Variants in CNTNAP5 observed in about 807,000 individuals in gnomAD.
The protein encoded by CNTNAP5 is contactin-associated protein-like 5.
CNTNAP5 carries 72 observed loss-of-function variants against 150.2 expected under a neutral mutation model. The observed-to-expected ratio is 0.48, with a 90% CI of 0.40 to 0.58. The LOEUF (loss-of-function observed/expected upper bound fraction) is 0.58, where lower values mean the gene tolerates loss of function less well. Ranked by LOEUF, CNTNAP5 falls within the 20% of genes least tolerant of loss-of-function variation. CNTNAP5 has a pLI of 0.00. For synonymous variants in CNTNAP5, 672 were observed against 619.8 expected, an observed-to-expected ratio of 1.08 and a Z score of -1.25; for missense variants, 1,636 against 1,626.2, an observed-to-expected ratio of 1.01 and a Z score of -0.10.
At chr2:124,110,728 G>A (rs1683274584) in intron 1 of CNTNAP5, among the ~76,000 whole-genome samples, 1 of 152,162 alleles carries the variant, frequency 6.6e-6, no homozygotes, top group Admixed American at 6.5e-5. Flanking sequence ...ACAACCTGTT[G>A]TCATTTAAAG....
At position 124,028,314 on chromosome 2, in the gene CNTNAP5, T is replaced by TTGTGTG. The variant is rs10678984; in HGVS notation, c.82+2591_82+2596dup. Among the ~76,000 whole-genome samples, 18 of 150,846 alleles carry TTGTGTG rather than the reference T, an allele frequency of 1.2e-4. No individual in the cohort carries two copies. The East Asian group carries it at 3.5e-3, about 29-fold the overall frequency. ...ATGGTGTGGTGTGTATGTGTGTGTT[T>TTGTGTG]TGTGTGTGTGTGTGCACATGCATTT... On this transcript the variant is annotated intron_variant, in intron 1 of 23. Coordinates refer to ENST00000682447, the MANE Select transcript of CNTNAP5 (RefSeq NM_001367498.1).
intron 8 of CNTNAP5, among the ~76,000 whole-genome samples, chr2:124,511,424 CT>C (rs1284802523): frequency 6.6e-6 from 1 of 152,118 alleles, no homozygotes; most frequent in African/African-American, 2.4e-5. Flanking sequence ...TTTTGTAGTG[CT>C]TCTCAAAATG....
At chr2:124,428,646 C>T (rs1219373894) in intron 4 of CNTNAP5, among the ~76,000 whole-genome samples, 1 of 151,542 alleles carries the variant, frequency 6.6e-6, no homozygotes, top group African/African-American at 2.4e-5. Context: ...TAACATCATC[C>T]TTCCCTTCTT....
At chr2:124,294,447 T>A (rs780022) in intron 3 of CNTNAP5, among the ~76,000 whole-genome samples, 122,509 of 152,094 alleles carry the variant, frequency 0.81, 49,456 homozygotes, top group South Asian at 0.9. Context: ...TGATATGTGG[T>A]CTATAGAGTC....
intron 7 of CNTNAP5, among the ~76,000 whole-genome samples, chr2:124,479,161 G>A (rs1484896006): frequency 6.6e-6 from 1 of 152,124 alleles, no homozygotes; most frequent in South Asian, 2.1e-4. Flanking sequence ...TGCTAATACA[G>A]CACTATATAA....
chr2:124,538,026 A>G (rs1247195666), intron 10 of CNTNAP5, among the ~76,000 whole-genome samples: 1 of 152,158 alleles, frequency 6.6e-6, no homozygotes, highest in Non-Finnish European at 1.5e-5. Context: ...CAGAACCATG[A>G]GCCAGGTGAA....
intron 19 of CNTNAP5, among the ~76,000 whole-genome samples, chr2:124,820,445 C>T (rs901282405): frequency 3.3e-5 from 5 of 151,278 alleles, no homozygotes; most frequent in African/African-American, 1.2e-4. Flanking sequence ...TAATCCCTCT[C>T]CTCAGGTGAG....
At chr2:124,453,494 C>T (rs945812206) in intron 6 of CNTNAP5, among the ~76,000 whole-genome samples, 15 of 152,230 alleles carry the variant, frequency 9.9e-5, no homozygotes, top group African/African-American at 3.4e-4. Context: ...CCTGTCTTTG[C>T]TAGAGAACTA....
chr2:124,917,570 T>C lies in CNTNAP5; in HGVS notation c.*3282T>C, dbSNP rs944962938. Among the ~76,000 whole-genome samples the C allele has an allele frequency of 6.6e-6, 1 of 152,106 alleles. No homozygotes were observed. The highest frequency in any genetic ancestry group is 1.5e-5 in the Non-Finnish European group (1 of 68,006). ...TAGCGGTGATGTTTTAAAACAACTTTTTTCCTCTCCTTAGTAATAACAGAG... is the reference window on the plus strand; with the variant it reads ...TAGCGGTGATGTTTTAAAACAACTTCTTTCCTCTCCTTAGTAATAACAGAG... On this transcript the variant is annotated 3_prime_UTR_variant, in exon 24 of 24. Transcript: ENST00000682447.
At chr2:124,641,998 A>G (rs1573516813) in intron 12 of CNTNAP5, among the ~76,000 whole-genome samples, 2 of 152,208 alleles carry the variant, frequency 1.3e-5, no homozygotes, top group East Asian at 3.9e-4. Context: ...ATTAATAATA[A>G]TGATCATCAT....
intron 12 of CNTNAP5, among the ~76,000 whole-genome samples, chr2:124,611,114 C>T (rs771217951): frequency 1.6e-4 from 25 of 152,148 alleles, no homozygotes; most frequent in Non-Finnish European, 3.5e-4. Flanking sequence ...CCTCTTTAGG[C>T]TCATTGAGCC....
At chr2:124,892,604 G>T (rs551693435) in intron 21 of CNTNAP5, among the ~76,000 whole-genome samples, 193 of 152,284 alleles carry the variant, frequency 1.3e-3, no homozygotes, top group Non-Finnish European at 2.2e-3. Context: ...GAGGTTTTCT[G>T]CAGGTGGAGG....
chr2:124,911,606 G>A, intron 23 of CNTNAP5, 68 bp downstream of exon 23: 1 of 1,288,550 alleles, frequency 7.8e-7, no homozygotes, highest in Non-Finnish European at 1.1e-6. Context: ...AAAGTTATCT[G>A]AAGCTTTCCT....
intron 7 of CNTNAP5, among the ~76,000 whole-genome samples, chr2:124,499,464 T>C (rs1694228446): frequency 6.6e-6 from 1 of 151,960 alleles, no homozygotes; most frequent in Admixed American, 6.6e-5. Context: ...GGATGGAGGG[T>C]GCAGAGGAAT....
At chr2:124,528,873 A>G (rs915815022) in intron 10 of CNTNAP5, among the ~76,000 whole-genome samples, 2 of 152,144 alleles carry the variant, frequency 1.3e-5, no homozygotes, top group African/African-American at 4.8e-5. Context: ...AGTTCAGGAG[A>G]GGAATAATGA....
chr2:124,370,691 G>A (rs747021878), intron 3 of CNTNAP5, among the ~76,000 whole-genome samples: 135 of 152,176 alleles, frequency 8.9e-4, no homozygotes, highest in Non-Finnish European at 1.6e-3. Context: ...CAGATCCACT[G>A]TTTAGATGTC....
At chr2:124,679,131 C>A (rs987799386) in intron 13 of CNTNAP5, among the ~76,000 whole-genome samples, 1 of 151,816 alleles carries the variant, frequency 6.6e-6, no homozygotes, top group African/African-American at 2.4e-5. Context: ...CAGGCATTGA[C>A]AAGGCAGAGA....
chr2:124,239,859 G>A (rs185076217), intron 2 of CNTNAP5, among the ~76,000 whole-genome samples: 2 of 152,176 alleles, frequency 1.3e-5, no homozygotes, highest in African/African-American at 4.8e-5. Flanking sequence ...AAAGGCAGAG[G>A]GGAATGGGAA....
At chr2:124,560,789 T>TC (rs372485768) in intron 10 of CNTNAP5, among the ~76,000 whole-genome samples, 1 of 152,128 alleles carries the variant, frequency 6.6e-6, no homozygotes, top group Non-Finnish European at 1.5e-5. Context: ...AGTGTTGGCA[T>TC]CCCCCTTTTT....
Sources: allele counts gnomAD v4.1 joint callset (sites outside exome capture counted in the v4.1 genomes callset), GRCh38; gene constraint gnomAD v4.1.1; transcripts MANE v1.5; gene names NCBI Gene and HGNC (gene_info 2026-07-23, HGNC 2026-07-21).